The following CD2AP variants were observed in gnomAD, a reference collection of about 807,000 sequenced individuals.
The protein encoded by CD2AP is CD2 associated protein.
Under a neutral mutation model 85.1 loss-of-function variants are expected in CD2AP, and 46 were observed. The ratio of observed to expected loss-of-function variants is 0.54; its 90% CI spans 0.43 to 0.69. CD2AP has a LOEUF of 0.69. Among genes scored for constraint, CD2AP ranks in the 30% least tolerant of loss-of-function variants. The probability of loss-of-function intolerance (pLI) is 0.00; values close to 1 mark genes in which losing one functional copy is unlikely to be tolerated. For missense variants in CD2AP, 769 were observed against 729.5 expected (o/e 1.05, Z -0.62); for synonymous variants, 255 against 252.9 (o/e 1.01, Z -0.08).
At chr6:47,572,088 T>C (rs927233643) in intron 5 of CD2AP, among the ~76,000 whole-genome samples, 1 of 152,136 alleles carries the variant, frequency 6.6e-6, no homozygotes, top group South Asian at 2.1e-4. Context: ...CCCATTGTAA[T>C]AACCAAACAT....
intron 5 of CD2AP, among the ~76,000 whole-genome samples, chr6:47,567,953 G>A (rs762516903): frequency 3.1e-4 from 47 of 152,228 alleles, no homozygotes; most frequent in Non-Finnish European, 6.3e-4. Flanking sequence ...AGCTGCTGAC[G>A]CCAGTTGAGA....
At chr6:47,502,515 G>C (rs1407372096) in intron 1 of CD2AP, among the ~76,000 whole-genome samples, 1 of 141,000 alleles carries the variant, frequency 7.1e-6, no homozygotes, top group East Asian at 2.2e-4. Context: ...TTTTTTTTGA[G>C]ACGGAGTCTC....
At chr6:47,580,136 G>A (rs1337233701) in intron 9 of CD2AP, among the ~76,000 whole-genome samples, 2 of 152,136 alleles carry the variant, frequency 1.3e-5, no homozygotes, top group African/African-American at 4.8e-5. Context: ...GGCTGTCTGA[G>A]GCCTTTGTTT....
At chr6:47,598,443 C>G (rs1025129559) in intron 12 of CD2AP, among the ~76,000 whole-genome samples, 1 of 151,034 alleles carries the variant, frequency 6.6e-6, no homozygotes, top group African/African-American at 2.4e-5. Flanking sequence ...AAAAAGATAA[C>G]TTGCACATGC....
At chr6:47,552,907 AT>A (rs1311778813) in intron 4 of CD2AP, among the ~76,000 whole-genome samples, 1 of 152,064 alleles carries the variant, frequency 6.6e-6, no homozygotes, top group African/African-American at 2.4e-5. Context: ...TGAATAAATC[AT>A]TTATTTTTAA....
intron 2 of CD2AP, among the ~76,000 whole-genome samples, chr6:47,507,900 G>T (rs938589505): frequency 6.6e-6 from 1 of 152,194 alleles, no homozygotes; most frequent in Non-Finnish European, 1.5e-5. Flanking sequence ...TCATCAATAT[G>T]CATTAGTATT....
intron 17 of CD2AP, among the ~76,000 whole-genome samples, chr6:47,621,773 G>C (rs1288275802): frequency 6.6e-6 from 1 of 151,996 alleles, no homozygotes; most frequent in Non-Finnish European, 1.5e-5. Flanking sequence ...TAATCTAGGA[G>C]GGTTGTATTT....
At chr6:47,499,391 G>C (rs956267029) in intron 1 of CD2AP, among the ~76,000 whole-genome samples, 1 of 151,982 alleles carries the variant, frequency 6.6e-6, no homozygotes, top group Non-Finnish European at 1.5e-5. Context: ...TCCATGTTAC[G>C]TATTGAAAAC....
intron 11 of CD2AP, among the ~76,000 whole-genome samples, chr6:47,584,622 A>C (rs975403714): frequency 6.6e-6 from 1 of 152,064 alleles, no homozygotes; most frequent in Admixed American, 6.5e-5. Flanking sequence ...TAAATATGTC[A>C]TGTACTTTCC....
intron 1 of CD2AP, among the ~76,000 whole-genome samples, chr6:47,488,531 C>A (rs1765625586): frequency 6.6e-6 from 1 of 152,052 alleles, no homozygotes; most frequent in African/African-American, 2.4e-5. Flanking sequence ...AGATAGCTTA[C>A]ATTTTTTCTT....
At chr6:47,590,678 T>A (rs1194971832) in intron 11 of CD2AP, among the ~76,000 whole-genome samples, 2 of 152,104 alleles carry the variant, frequency 1.3e-5, no homozygotes, top group Non-Finnish European at 2.9e-5. Flanking sequence ...TTAGCACCAA[T>A]CCTCTGTATA....
chr6:47,559,215 TTTTC>T (rs1419398993), intron 5 of CD2AP, among the ~76,000 whole-genome samples: 1 of 152,098 alleles, frequency 6.6e-6, no homozygotes, highest in Non-Finnish European at 1.5e-5. Flanking sequence ...TTCTTCTCTC[TTTTC>T]TTTATTAGTC....
At chr6:47,622,423 C>T (rs745775402) in intron 17 of CD2AP, among the ~76,000 whole-genome samples, 1 of 145,270 alleles carries the variant, frequency 6.9e-6, no homozygotes, top group East Asian at 2.0e-4. Flanking sequence ...TGGAGTTTTA[C>T]CCCCTGCTTC....
At chr6:47,586,719 C>T (rs994260415) in intron 11 of CD2AP, among the ~76,000 whole-genome samples, 5 of 151,916 alleles carry the variant, frequency 3.3e-5, no homozygotes, top group Non-Finnish European at 7.4e-5. Flanking sequence ...ACTAGATTGG[C>T]AGTTGGTATT....
chr6:47,551,185 TAAAAA>T (rs56246987), intron 4 of CD2AP, among the ~76,000 whole-genome samples: 2 of 151,314 alleles, frequency 1.3e-5, no homozygotes, highest in Non-Finnish European at 2.9e-5. Context: ...CCTATGGAAA[TAAAAA>T]AAAGAAAAAA....
rs1018464747 is a variant in CD2AP at position 47,624,347 on chromosome 6, G to C, written c.*120G>C. On this transcript the variant is annotated 3_prime_UTR_variant, in exon 18 of 18. Transcript: ENST00000359314. ...GTTGTGATAAATATGAGCAAATGAA[G>C]TGTAATATCTATAGAAAAGTAGAGT... 1.0e-5 allele frequency: 8 copies of C among 783,762 alleles called. No homozygotes were observed. Among genetic ancestry groups the C allele is most frequent in the Non-Finnish European group, 1.6e-5 (7 of 446,878 alleles). The allele number at this position is 783,762 out of a possible 1,614,324, so 48.6% of individuals were successfully genotyped here. A position where few individuals can be genotyped will look rare whatever the true frequency, so the allele number is the denominator to read the frequency against.
chr6:47,600,772 T>C (rs563637209), intron 13 of CD2AP, among the ~76,000 whole-genome samples: 1 of 152,098 alleles, frequency 6.6e-6, no homozygotes, highest in East Asian at 1.9e-4. Flanking sequence ...TCAGTTCATA[T>C]TGTTTTCTGT....
At chr6:47,618,218 G>T (rs1258483574) in intron 17 of CD2AP, among the ~76,000 whole-genome samples, 1 of 152,066 alleles carries the variant, frequency 6.6e-6, no homozygotes, top group Non-Finnish European at 1.5e-5. Context: ...TACTAGAGAG[G>T]CTGGGGCATG....
chr6:47,601,057 T>G lies in CD2AP; in HGVS notation c.1417+1614T>G, dbSNP rs149078170. ...AAGTAATGGAATTTTTTTTAAAATT[T>G]AGGTAAATTACAACATTTTCTTTTT... On this transcript the variant is annotated intron_variant, in intron 13 of 17. Transcript: ENST00000359314. 1.1e-4 allele frequency among the ~76,000 whole-genome samples: 16 copies of G among 152,046 alleles called. No individual in the cohort carries two copies. In the East Asian group the frequency reaches 2.7e-3, roughly 26 times the overall value.
Sources: gnomAD v4.1 joint callset for allele counts (sites outside exome capture counted in the v4.1 genomes callset) on GRCh38, gnomAD v4.1.1 for gene constraint, MANE v1.5 for transcripts, NCBI Gene and HGNC (gene_info 2026-07-23, HGNC 2026-07-21) for gene names.